The following UNC45B variants were observed in gnomAD, a reference collection of about 807,000 sequenced individuals.
UNC45B encodes the protein protein unc-45 homolog B.
UNC45B carries 78 observed loss-of-function variants against 98.7 expected under a neutral mutation model. The observed-to-expected ratio is 0.79, with a 90% confidence interval of 0.66 to 0.95. UNC45B has a LOEUF of 0.95. Among genes scored for constraint, UNC45B ranks in the 40% least tolerant of loss-of-function variants. The pLI is 0.00. For synonymous variants in UNC45B, 462 were observed against 480.4 expected (o/e 0.96, Z 0.50); for missense variants, 1,225 against 1,184.9 (o/e 1.03, Z -0.50).
chr17:35,157,735 G>A (rs547440477), intron 7 of UNC45B, among the ~76,000 whole-genome samples: 31 of 152,154 alleles, frequency 2.0e-4, no homozygotes, highest in Admixed American at 7.2e-4. Context: ...CAAAATTATC[G>A]TGTTAGATTC....
At position 35,154,700 on chromosome 17, in the gene UNC45B, G is replaced by T. The variant is rs879133861; in HGVS notation, c.598G>T (p.Val200Leu). The T allele has an allele frequency of 6.2e-6, 10 of 1,607,490 alleles. No homozygotes were observed. The Admixed American group carries it at 1.5e-4, about 25-fold the overall frequency. The change falls in exon 6 of 20, where the codon GTG (valine) becomes TTG (leucine). Residue 200 changes from valine to leucine, a missense_variant. Val to Leu is a conservative substitution (Grantham distance 32). Coordinates refer to ENST00000394570, the MANE Select transcript of UNC45B (RefSeq NM_001267052.2). ...GAAGCCTGAGCTGGTGCTGGCTGCA[G>T]TGCGGACCCTGTCGGGCATGTGCAG... ...TKKPELVLAA[V>L]RTLSGMCSGH...
chr17:35,166,086 T>TAAAAAAAAAAAAAAAAAAAAAAAAA lies in UNC45B; in HGVS notation c.1151+1921_1151+1945dup, dbSNP rs55844448. Among the ~76,000 whole-genome samples, 65 of 58,106 alleles carry TAAAAAAAAAAAAAAAAAAAAAAAAA rather than the reference T, an allele frequency of 1.1e-3. 2 individuals are homozygous for TAAAAAAAAAAAAAAAAAAAAAAAAA. The highest frequency in any genetic ancestry group is 1.2e-3 in the Non-Finnish European group (40 of 32,968). The allele number at this position is 58,106 out of a possible 152,430, so 38.1% of individuals were successfully genotyped here. On this transcript the variant is annotated intron_variant, in intron 9 of 19. Coordinates refer to ENST00000394570, the MANE Select transcript of UNC45B (RefSeq NM_001267052.2). ...GGCAATGTAGAGAGACCCTCATCTC[T>TAAAAAAAAAAAAAAAAAAAAAAAAA]AAAAAAAAAAAAAAAAAAAAAAAAA...
Position 35,159,407 on chromosome 17 carries a change from C to T in UNC45B, c.841C>T (p.His281Tyr). 1 of 1,613,876 alleles carries T rather than the reference C, an allele frequency of 6.2e-7. No individual in the cohort carries two copies. Among genetic ancestry groups the T allele is most frequent in the Non-Finnish European group, 8.5e-7 (1 of 1,179,834 alleles). Residue 281 changes from histidine to tyrosine, a missense_variant, in exon 8 of 20, where the codon CAC becomes TAC. Transcript: ENST00000394570. ...GAAGGACCTGAAGCAGATCACCAGC[C>T]ACCTGCTGGACATGCTAGTCAGCAA... ...TKKDLKQITS[H>Y]LLDMLVSKKV...
intron 4 of UNC45B, among the ~76,000 whole-genome samples, chr17:35,152,525 T>C (rs1307163238): frequency 6.6e-6 from 1 of 152,220 alleles, no homozygotes; most frequent in Non-Finnish European, 1.5e-5. Context: ...TGCTTCAGGA[T>C]TCTGAGTATG....
At position 35,168,067 on chromosome 17, in the gene UNC45B, G is replaced by C. The variant is rs1167518520; in HGVS notation, c.1158G>C (p.Lys386Asn). Residue 386 changes from lysine (K) to asparagine (N), a missense_variant, in exon 10 of 20, where the codon AAG (lysine) becomes AAC (asparagine). Coordinates refer to ENST00000394570, the MANE Select transcript of UNC45B (RefSeq NM_001267052.2). ...RKICEEYITG[K>N]FDPQDMDKNL... ...CCCTTGTCCTTTGTTTTAGGGGCAAGTTTGACCCCCAGGACATGGACAAGA... is the reference window on the plus strand; with the variant it reads ...CCCTTGTCCTTTGTTTTAGGGGCAACTTTGACCCCCAGGACATGGACAAGA... 1 of 1,527,532 alleles carries C rather than the reference G, an allele frequency of 6.5e-7. No homozygotes were observed. The highest frequency in any genetic ancestry group is 2.4e-5 in the East Asian group (1 of 41,276). 94.6% of individuals were successfully genotyped at this position (1,527,532 alleles called of 1,614,324 possible).
intron 16 of UNC45B, 44 bp downstream of exon 16, chr17:35,177,174 C>G (rs1567767423): frequency 6.4e-7 from 1 of 1,561,552 alleles, no homozygotes; most frequent in South Asian, 1.1e-5. Context: ...GAGGGGTCTC[C>G]TTTGCTCCTA....
chr17:35,159,808 C>T (rs950609876), intron 8 of UNC45B, among the ~76,000 whole-genome samples: 7 of 152,102 alleles, frequency 4.6e-5, no homozygotes, highest in African/African-American at 1.7e-4. Context: ...CAAATGGGGA[C>T]AAGGACTCCA....
chr17:35,154,783 G>A (rs772412988), intron 6 of UNC45B, 42 bp downstream of exon 6: 1 of 1,521,788 alleles, frequency 6.6e-7, no homozygotes, highest in South Asian at 1.3e-5. Flanking sequence ...GACGACTGCT[G>A]GTCCAAGGAT....
At chr17:35,180,834 G>A (rs1306428193) in intron 18 of UNC45B, among the ~76,000 whole-genome samples, 158 bp downstream of exon 18, 7 of 152,040 alleles carry the variant, frequency 4.6e-5, no homozygotes, top group African/African-American at 7.2e-5. Flanking sequence ...CTAGATTATA[G>A]CCCCCCTCCC....
chr17:35,148,922 C>CTGCAT, intron 2 of UNC45B, 51 bp from the exon 3 acceptor site: 1 of 1,611,576 alleles, frequency 6.2e-7, no homozygotes, highest in Non-Finnish European at 8.5e-7. Context: ...CTGGCCATCT[C>CTGCAT]TGCATTGGGC....
At position 35,180,622 on chromosome 17, in the gene UNC45B, T is replaced by TCAGCTGCGGCAGGC; in HGVS notation, c.2320_2333dup (p.Ala779SerfsTer31). 1 of 1,613,798 alleles carries TCAGCTGCGGCAGGC rather than the reference T, an allele frequency of 6.2e-7. No individual in the cohort carries two copies. Among genetic ancestry groups the TCAGCTGCGGCAGGC allele is most frequent in the African/African-American group, 1.3e-5 (1 of 74,922 alleles). ...AGAACTACATGTTTGAGAATCATGA[T>TCAGCTGCGGCAGGC]CAGCTGCGGCAGGCGGCCACCGAGT... is the stretch of plus-strand genomic sequence containing the variant. On this transcript the variant is annotated frameshift_variant, in exon 18 of 20. Transcript: ENST00000394570. LOFTEE classifies it high-confidence loss of function.
chr17:35,180,408 TG>T, intron 17 of UNC45B, 150 bp from the exon 18 acceptor site: 1 of 618,404 alleles, frequency 1.6e-6, no homozygotes, highest in Non-Finnish European at 2.9e-6. Flanking sequence ...CTCCTAGAGC[TG>T]GGGGCAGTGT....
intron 8 of UNC45B, 47 bp from the exon 9 acceptor site, chr17:35,163,948 G>C: frequency 6.5e-7 from 1 of 1,548,842 alleles, no homozygotes; most frequent in Non-Finnish European, 8.7e-7. Flanking sequence ...TGTGTGTGAG[G>C]ATGGAGCCCA....
In UNC45B at chr17:35,148,119, T is replaced by C. The variant is rs2091987198; in HGVS notation, c.1-145T>C. The C allele has an allele frequency of 4.7e-6, 4 of 852,390 alleles. No individual in the cohort carries two copies. The Admixed American group carries it at 8.5e-5, about 18-fold the overall frequency. The allele number at this position is 852,390 out of a possible 1,614,324, so 52.8% of individuals were successfully genotyped here. A position where few individuals can be genotyped will look rare whatever the true frequency, so the allele number is the denominator to read the frequency against. ...CCTCATGGGGCAATAGATTTGGGGGTTCTGGGGGTGGGTCCCTTCCAGGCA... is the reference window on the plus strand; with the variant it reads ...CCTCATGGGGCAATAGATTTGGGGGCTCTGGGGGTGGGTCCCTTCCAGGCA... On this transcript the variant is annotated intron_variant, in intron 1 of 19. Transcript: ENST00000394570.
Position 35,170,031 on chromosome 17 carries a change from C to G in UNC45B, c.1548-83C>G, listed in dbSNP as rs8066133. The G allele has an allele frequency of 1.0e-5, 16 of 1,603,376 alleles. No homozygotes were observed. The Middle Eastern group carries it at 5.0e-4, about 50-fold the overall frequency. On this transcript the variant is annotated intron_variant, in intron 11 of 19. Coordinates refer to ENST00000394570, the MANE Select transcript of UNC45B (RefSeq NM_001267052.2). ...AGTGGAGTGTGAAAGGGACCTCACC[C>G]CTGGTTCACCACCCTGAAATCGCTT...
At chr17:35,184,624 G>C (rs1227181487) in intron 19 of UNC45B, among the ~76,000 whole-genome samples, 2 of 152,188 alleles carry the variant, frequency 1.3e-5, no homozygotes, top group Non-Finnish European at 2.9e-5. Context: ...GTGTGAGGTG[G>C]ATATTATTAT....
In UNC45B at chr17:35,152,930, A is replaced by T. The variant is rs1190310512; in HGVS notation, c.419A>T (p.Lys140Met). The T allele has an allele frequency of 1.2e-6, 2 of 1,614,134 alleles. No individual in the cohort carries two copies. Among genetic ancestry groups the T allele is most frequent in the East Asian group, 4.5e-5 (2 of 44,882 alleles). ...VQFSTDSRVQ[K>M]MFEILLDENS... ...TTCTCCACAGACTCGAGGGTACAGA[A>T]GATGTTTGAGATCCTCTTGGATGAA... Residue 140 changes from lysine (K) to methionine (M), a missense_variant, in exon 5 of 20, where the codon AAG becomes ATG. Physicochemically the swap from Lys to Met is moderately conservative, Grantham distance 95 (BLOSUM62 -1). Transcript: ENST00000394570.
At chr17:35,154,505 C>A in intron 5 of UNC45B, 69 bp from the exon 6 acceptor site, 2 of 1,470,062 alleles carry the variant, frequency 1.4e-6, no homozygotes, top group South Asian at 1.3e-5. Flanking sequence ...TCTTCTTGTA[C>A]TTGGCCCATG....
rs768191658 is a variant in UNC45B, at chr17:35,168,076, C to G, written c.1167C>G (p.Pro389=). 3.2e-6 allele frequency: 5 copies of G among 1,542,564 alleles called. No individual in the cohort carries two copies. The highest frequency in any genetic ancestry group is 4.4e-6 in the Non-Finnish European group (5 of 1,142,266). The change falls in exon 10 of 20, where the codon CCC becomes CCG. Residue 389 remains proline (P), a synonymous_variant. Transcript: ENST00000394570. ...TTTGTTTTAGGGGCAAGTTTGACCC[C>G]CAGGACATGGACAAGAACTTGAATG... ...CEEYITGKFD[P]QDMDKNLNAI...
Sources: gnomAD v4.1 joint callset for allele counts (sites outside exome capture counted in the v4.1 genomes callset) on GRCh38, gnomAD v4.1.1 for gene constraint, MANE v1.5 for transcripts, NCBI Gene and HGNC (gene_info 2026-07-23, HGNC 2026-07-21) for gene names.